CAPZB: variants seen among roughly 807,000 people sequenced by gnomAD.
The protein encoded by CAPZB is F-actin-capping protein subunit beta.
Under a neutral mutation model 38.1 loss-of-function variants are expected in CAPZB, and 2 were observed. That is an observed-to-expected ratio of 0.05 (90% CI 0.02 to 0.17). The LOEUF is 0.17. Among genes scored for constraint, CAPZB ranks in the 10% least tolerant of loss-of-function variants. CAPZB has a pLI of 1.00. For missense variants in CAPZB, 161 were observed against 334.2 expected, an observed-to-expected ratio of 0.48 and a Z score of 4.04; for synonymous variants, 107 against 127.4, an observed-to-expected ratio of 0.84 and a Z score of 1.08.
intron 1 of CAPZB, among the ~76,000 whole-genome samples, chr1:19,442,668 A>G (rs2094481779): frequency 6.6e-6 from 1 of 152,178 alleles, no homozygotes; most frequent in African/African-American, 2.4e-5. Flanking sequence ...ACGAAACCCT[A>G]AATGCAGCTT....
intron 2 of CAPZB, among the ~76,000 whole-genome samples, chr1:19,395,013 C>T (rs2094258810): frequency 1.3e-5 from 2 of 152,176 alleles, no homozygotes; most frequent in Non-Finnish European, 1.5e-5. Context: ...AGCCACCGCG[C>T]GCCAGGTGCT....
chr1:19,343,149 AGT>A (rs1384386986), intron 8 of CAPZB, among the ~76,000 whole-genome samples: 2 of 152,104 alleles, frequency 1.3e-5, no homozygotes, highest in African/African-American at 4.8e-5. Flanking sequence ...TGGGCGGGAA[AGT>A]GTGTTTGGTG....
chr1:19,476,499 G>A (rs547192938), intron 1 of CAPZB, among the ~76,000 whole-genome samples: 1 of 152,318 alleles, frequency 6.6e-6, no homozygotes, highest in African/African-American at 2.4e-5. Flanking sequence ...GGGCTGGGAT[G>A]GGGCTTCATA....
intron 2 of CAPZB, among the ~76,000 whole-genome samples, chr1:19,392,348 G>C: frequency 6.6e-6 from 1 of 151,822 alleles, no homozygotes; most frequent in African/African-American, 2.4e-5. Context: ...AAATAACAGG[G>C]GCATCCCAAG....
intron 2 of CAPZB, among the ~76,000 whole-genome samples, chr1:19,413,754 T>C (rs2094367417): frequency 6.6e-6 from 1 of 152,200 alleles, no homozygotes; most frequent in South Asian, 2.1e-4. Flanking sequence ...GCCTGCTTAC[T>C]CTATTAACAC....
At chr1:19,453,654 T>C (rs1468164079) in intron 1 of CAPZB, among the ~76,000 whole-genome samples, 1 of 152,176 alleles carries the variant, frequency 6.6e-6, no homozygotes, top group Non-Finnish European at 1.5e-5. Flanking sequence ...TCTCTCTCCT[T>C]CTAGGTCTTC....
intron 2 of CAPZB, among the ~76,000 whole-genome samples, chr1:19,391,663 C>T (rs1026629777): frequency 3.3e-5 from 5 of 152,180 alleles, no homozygotes. Flanking sequence ...ACCTCGAAAC[C>T]GAACAGGTTC....
chr1:19,484,529 T>G, intron 1 of CAPZB: 5 of 1,316,406 alleles, frequency 3.8e-6, no homozygotes, highest in South Asian at 1.5e-5. Flanking sequence ...ATGCCCGCCC[T>G]TCCCTCGCTG....
chr1:19,454,903 C>G (rs2100713610), intron 1 of CAPZB, among the ~76,000 whole-genome samples: 2 of 152,340 alleles, frequency 1.3e-5, no homozygotes, highest in South Asian at 4.1e-4. Context: ...TGCTGAGAAA[C>G]TGCAGACATC....
chr1:19,402,436 C>G (rs935531041), intron 2 of CAPZB, among the ~76,000 whole-genome samples: 2 of 152,248 alleles, frequency 1.3e-5, no homozygotes, highest in Non-Finnish European at 2.9e-5. Flanking sequence ...CCTTACCCAT[C>G]TAGAAAGTCT....
intron 2 of CAPZB, among the ~76,000 whole-genome samples, chr1:19,398,099 T>C (rs2094282342): frequency 6.6e-6 from 1 of 152,040 alleles, no homozygotes; most frequent in Admixed American, 6.5e-5. Flanking sequence ...CCATGGGCAA[T>C]GGCAACGCAG....
At chr1:19,479,517 T>A (rs1256368941) in intron 1 of CAPZB, among the ~76,000 whole-genome samples, 1 of 152,192 alleles carries the variant, frequency 6.6e-6, no homozygotes, top group African/African-American at 2.4e-5. Flanking sequence ...TCAGAACACC[T>A]ACATGGGACA....
At chr1:19,378,834 T>C (rs2094157150) in intron 3 of CAPZB, among the ~76,000 whole-genome samples, 181 bp from the exon 4 acceptor site, 1 of 152,200 alleles carries the variant, frequency 6.6e-6, no homozygotes, top group Non-Finnish European at 1.5e-5. Context: ...ACAAGGGCTC[T>C]GATGCGGGCA....
intron 4 of CAPZB, among the ~76,000 whole-genome samples, chr1:19,373,153 G>C (rs949786822): frequency 6.6e-6 from 1 of 152,158 alleles, no homozygotes; most frequent in Non-Finnish European, 1.5e-5. Flanking sequence ...CTGGACGTGA[G>C]AATGCCGCAG....
chr1:19,482,363 C>T (rs2094632718), intron 1 of CAPZB, among the ~76,000 whole-genome samples: 1 of 152,246 alleles, frequency 6.6e-6, no homozygotes, highest in Non-Finnish European at 1.5e-5. Flanking sequence ...ACATTAATGT[C>T]AACTATGTTG....
intron 1 of CAPZB, among the ~76,000 whole-genome samples, chr1:19,463,819 T>C (rs2094560149): frequency 1.3e-5 from 2 of 152,194 alleles, no homozygotes; most frequent in South Asian, 4.1e-4. Flanking sequence ...GTGGATAATA[T>C]TTCACCCTCT....
intron 1 of CAPZB, among the ~76,000 whole-genome samples, chr1:19,430,579 G>C (rs2094438634): frequency 6.6e-6 from 1 of 152,232 alleles, no homozygotes; most frequent in South Asian, 2.1e-4. Flanking sequence ...TGGCAAAGCA[G>C]AGTCGCTGCC....
chr1:19,447,734 C>T (rs1194837160), intron 1 of CAPZB, among the ~76,000 whole-genome samples: 6 of 152,174 alleles, frequency 3.9e-5, no homozygotes, highest in Non-Finnish European at 8.8e-5. Flanking sequence ...TGGAGGAGGG[C>T]ACGGCTCACT....
In CAPZB at chr1:19,396,013, G is replaced by A. The variant is rs1469672252; in HGVS notation, c.94-10387C>T. ...TCTATCCAGACCACCTTTCTTCCCC[G>A]TGTTCCACCTAAGTCATCCTTCAGG... On this transcript the variant is annotated intron_variant, in intron 2 of 8. Transcript: ENST00000264202. Among the ~76,000 whole-genome samples the A allele has an allele frequency of 9.2e-5, 14 of 152,276 alleles. 1 individual carries two copies. The East Asian group carries it at 1.7e-3, about 19-fold the overall frequency.
Sources: allele counts gnomAD v4.1 joint callset (sites outside exome capture counted in the v4.1 genomes callset), GRCh38; gene constraint gnomAD v4.1.1; transcripts MANE v1.5; gene names NCBI Gene and HGNC (gene_info 2026-07-23, HGNC 2026-07-21).